Variants in PCNX1 observed in about 807,000 individuals in gnomAD.
PCNX1 encodes the protein pecanex 1.
A neutral mutation model predicts 242.2 loss-of-function variants in PCNX1; 78 were observed. The observed-to-expected ratio is 0.32, with a 90% CI of 0.27 to 0.39. The LOEUF is 0.39. PCNX1 is among the 10% of genes least tolerant of loss of function. The pLI, the probability that PCNX1 is intolerant of heterozygous loss-of-function variation, is 1.00. For synonymous variants in PCNX1, 1,024 were observed against 1,032.9 expected (o/e 0.99, Z 0.17); for missense variants, 2,581 against 2,856.5 (o/e 0.90, Z 2.20).
chr14:71,096,353 T>C (rs970155732), intron 30 of PCNX1, among the ~76,000 whole-genome samples: 1 of 151,876 alleles, frequency 6.6e-6, no homozygotes, highest in African/African-American at 2.4e-5. Context: ...TGGGGGCGTG[T>C]GCCTGTACTT....
intron 2 of PCNX1, among the ~76,000 whole-genome samples, chr14:70,948,890 TACAC>T (rs571579518): frequency 6.7e-6 from 1 of 148,664 alleles, no homozygotes; most frequent in Non-Finnish European, 1.5e-5. Context: ...TGTGTATATA[TACAC>T]ACATACGTGT....
intron 2 of PCNX1, 98 bp from the exon 3 acceptor site, chr14:70,962,128 G>A (rs1457750569): frequency 6.5e-6 from 5 of 770,336 alleles, no homozygotes; most frequent in Non-Finnish European, 1.1e-5. Context: ...GAACCTCTTA[G>A]TTTTGTGGAA....
chr14:71,088,092 T>G (rs1297525754), intron 28 of PCNX1, among the ~76,000 whole-genome samples: 1 of 151,880 alleles, frequency 6.6e-6, no homozygotes, highest in Non-Finnish European at 1.5e-5. Context: ...ATAGAGTCAG[T>G]TTTTTTTGTT....
rs2140192823 is a variant in PCNX1 at position 70,983,881 on chromosome 14, AAACTAAGAAAGGG to A, written c.2312-4683_2312-4671del. On this transcript the variant is annotated intron_variant, in intron 6 of 35. Transcript: ENST00000304743. ...GTAGCATCGTTCTTGGCTGACAAAG[AAACTAAGAAAGGG>A]AAAAACTATTTAGATAAAGTGGATT... Among the ~76,000 whole-genome samples the A allele has an allele frequency of 1.3e-5, 2 of 151,648 alleles. 1 individual carries two copies. Among genetic ancestry groups the A allele is most frequent in the South Asian group, 4.2e-4 (2 of 4,804 alleles).
intron 2 of PCNX1, among the ~76,000 whole-genome samples, chr14:70,951,935 C>T (rs543319102): frequency 1.1e-4 from 16 of 152,228 alleles, no homozygotes; most frequent in Admixed American, 3.3e-4. Context: ...ACATTTCCTA[C>T]GCCTATTCTA....
intron 28 of PCNX1, among the ~76,000 whole-genome samples, chr14:71,079,650 A>G (rs377334310): frequency 6.6e-6 from 1 of 151,980 alleles, no homozygotes; most frequent in Non-Finnish European, 1.5e-5. Flanking sequence ...ACTTTTTTTC[A>G]TATGTTTGTT....
At chr14:70,979,114 A>G (rs2058763681) in intron 6 of PCNX1, among the ~76,000 whole-genome samples, 1 of 152,160 alleles carries the variant, frequency 6.6e-6, no homozygotes, top group South Asian at 2.1e-4. Flanking sequence ...AGATCTGATT[A>G]TGTACATTGA....
At chr14:70,942,562 A>G (rs1456310768) in intron 1 of PCNX1, among the ~76,000 whole-genome samples, 1 of 152,160 alleles carries the variant, frequency 6.6e-6, no homozygotes, top group Non-Finnish European at 1.5e-5. Context: ...GTATCCTCCA[A>G]TTCAATTCAA....
chr14:70,936,478 A>G (rs4048500), intron 1 of PCNX1, among the ~76,000 whole-genome samples: 96,251 of 151,944 alleles, frequency 0.63, 30,760 homozygotes, highest in South Asian at 0.72. Flanking sequence ...TTTTATGGTT[A>G]CATAGTATTC....
Position 71,033,475 on chromosome 14 carries a change from G to C in PCNX1, c.3605G>C (p.Cys1202Ser). The change falls in exon 17 of 36, where the codon TGT (cysteine) becomes TCT (serine). Residue 1202 changes from cysteine (C) to serine (S), a missense_variant. Transcript: ENST00000304743. Reference sequence around the variant, plus strand: ...ATTCCAGTACTTTTCTCCATTTTTTGTGGTTTATTAGTGGCAGTGTCTTAC... The same window carrying C: ...ATTCCAGTACTTTTCTCCATTTTTTCTGGTTTATTAGTGGCAGTGTCTTAC... ...QHIPVLFSIF[C>S]GLLVAVSYHL... 1 of 1,610,612 alleles carries C rather than the reference G, an allele frequency of 6.2e-7. No individual in the cohort carries two copies. The highest frequency in any genetic ancestry group is 8.5e-7 in the Non-Finnish European group (1 of 1,177,274).
In PCNX1 at chr14:71,033,925, A is replaced by G. The variant is rs775413743; in HGVS notation, c.3669-6A>G. 1.3e-6 allele frequency: 2 copies of G among 1,483,894 alleles called. No individual in the cohort carries two copies. The highest frequency in any genetic ancestry group is 1.9e-6 in the Non-Finnish European group (2 of 1,076,494). 91.9% of individuals were successfully genotyped at this position (1,483,894 alleles called of 1,614,324 possible). On this transcript the variant is annotated splice_polypyrimidine_tract_variant and splice_region_variant and intron_variant, in intron 17 of 35. Transcript: ENST00000304743. The stretch of plus-strand genomic sequence containing the variant: ...GTATTTTCTGTTTTTTTTTCTTCAC[A>G]TAAAGCTCTTTAGTGCAATCCAAGA...
At chr14:70,968,042 A>T (rs775678088) in intron 3 of PCNX1, among the ~76,000 whole-genome samples, 156 bp from the exon 4 acceptor site, 1 of 152,220 alleles carries the variant, frequency 6.6e-6, no homozygotes, top group Admixed American at 6.5e-5. Flanking sequence ...CGTGGCTCCA[A>T]TAGAGCTTGT....
intron 1 of PCNX1, among the ~76,000 whole-genome samples, chr14:70,919,567 T>G (rs1168324077): frequency 6.6e-6 from 1 of 152,208 alleles, no homozygotes; most frequent in Admixed American, 6.5e-5. Context: ...AAGAGAAGAT[T>G]ACAACAAACG....
intron 11 of PCNX1, among the ~76,000 whole-genome samples, chr14:71,013,539 A>G (rs893395416): frequency 6.6e-6 from 1 of 152,120 alleles, no homozygotes; most frequent in African/African-American, 2.4e-5. Flanking sequence ...TAACAGTTAT[A>G]AGAGGAAACT....
At chr14:70,937,038 T>TACAATCTATCA (rs200491645) in intron 1 of PCNX1, among the ~76,000 whole-genome samples, 1 of 151,498 alleles carries the variant, frequency 6.6e-6, no homozygotes, top group Admixed American at 6.6e-5. Flanking sequence ...TATTAGCCCT[T>TACAATCTATCA]TGTCAGATGG....
At chr14:71,082,585 A>C (rs1316219456) in intron 28 of PCNX1, among the ~76,000 whole-genome samples, 1 of 152,110 alleles carries the variant, frequency 6.6e-6, no homozygotes, top group Non-Finnish European at 1.5e-5. Flanking sequence ...TTCTCGCTAC[A>C]TTGATCCCTT....
chr14:71,012,814 G>GT lies in PCNX1; in HGVS notation c.2779-170dup, dbSNP rs1309530892. ...ACCACTGTACTTCAGACAAGACTCTGTCTCAAAAAAAAAAAAAAAAAAAAG... is the reference window on the plus strand; with the variant it reads ...ACCACTGTACTTCAGACAAGACTCTGTTCTCAAAAAAAAAAAAAAAAAAAAG... On this transcript the variant is annotated intron_variant, in intron 10 of 35. Transcript: ENST00000304743. 5.8e-6 allele frequency: 3 copies of GT among 513,632 alleles called. No homozygotes were observed. The South Asian group carries it at 6.5e-5, about 11-fold the overall frequency. 31.8% of individuals were successfully genotyped at this position (513,632 alleles called of 1,614,324 possible).
chr14:71,109,311 T>C, intron 34 of PCNX1, 141 bp from the exon 35 acceptor site: 2 of 817,616 alleles, frequency 2.4e-6, no homozygotes, highest in Non-Finnish European at 3.8e-6. Flanking sequence ...ATTCAAGATG[T>C]AGCTCTTAAG....
chr14:70,926,416 A>C (rs1411301433), intron 1 of PCNX1, among the ~76,000 whole-genome samples: 1 of 152,174 alleles, frequency 6.6e-6, no homozygotes, highest in Non-Finnish European at 1.5e-5. Context: ...TTCCAGTTCA[A>C]TATGAACAAA....
Sources: gnomAD v4.1 joint callset for allele counts (sites outside exome capture counted in the v4.1 genomes callset) on GRCh38, gnomAD v4.1.1 for gene constraint, MANE v1.5 for transcripts, NCBI Gene and HGNC (gene_info 2026-07-23, HGNC 2026-07-21) for gene names.